The following MAGI2 variants were observed in gnomAD, a reference collection of about 807,000 sequenced individuals.
MAGI2 encodes the protein membrane associated guanylate kinase, WW and PDZ domain containing 2, also known as membrane-associated guanylate kinase, WW and PDZ domain-containing protein 2.
In MAGI2, 35 loss-of-function variants were observed where a neutral mutation model predicts 133.3. That is an observed-to-expected ratio of 0.26 (90% CI 0.20 to 0.35). The LOEUF is 0.35. Ranked by LOEUF, MAGI2 falls within the 10% of genes least tolerant of loss-of-function variation. MAGI2 has a pLI of 1.00. For missense variants in MAGI2, 1,636 were observed against 1,863.4 expected, an observed-to-expected ratio of 0.88 and a Z score of 2.25; for synonymous variants, 729 against 710.6, an observed-to-expected ratio of 1.03 and a Z score of -0.41.
intron 4 of MAGI2, among the ~76,000 whole-genome samples, chr7:78,512,751 C>T (rs560479670): frequency 1.2e-4 from 18 of 152,226 alleles, no homozygotes; most frequent in Admixed American, 7.2e-4. Flanking sequence ...ATGCATATTT[C>T]GTGCCTCACA....
chr7:79,321,092 G>A (rs1026032680), intron 1 of MAGI2, among the ~76,000 whole-genome samples: 2 of 152,052 alleles, frequency 1.3e-5, no homozygotes, highest in Admixed American at 1.3e-4. Context: ...ACAATATGCA[G>A]TACTATGGTC....
chr7:78,440,214 T>C (rs1018223500), intron 6 of MAGI2, among the ~76,000 whole-genome samples: 11 of 152,306 alleles, frequency 7.2e-5, no homozygotes, highest in Non-Finnish European at 2.9e-5. Flanking sequence ...ATGTAATTTT[T>C]CTTCTTCCTC....
chr7:79,240,506 C>T (rs370536256), intron 1 of MAGI2, among the ~76,000 whole-genome samples: 2 of 152,070 alleles, frequency 1.3e-5, no homozygotes, highest in Non-Finnish European at 2.9e-5. Flanking sequence ...CTGGCAGAGG[C>T]AACATCCAGC....
chr7:78,886,313 C>A (rs981626763), intron 2 of MAGI2, among the ~76,000 whole-genome samples: 1 of 152,200 alleles, frequency 6.6e-6, no homozygotes, highest in African/African-American at 2.4e-5. Context: ...TATTCATTGT[C>A]TCCTTTAACC....
At chr7:78,367,278 G>T (rs568030639) in intron 7 of MAGI2, among the ~76,000 whole-genome samples, 4 of 152,292 alleles carry the variant, frequency 2.6e-5, no homozygotes, top group African/African-American at 9.6e-5. Context: ...ATAGCTTTCT[G>T]ACACAGGGGT....
intron 2 of MAGI2, among the ~76,000 whole-genome samples, chr7:78,972,484 T>C (rs1165716453): frequency 6.6e-6 from 1 of 151,884 alleles, no homozygotes; most frequent in African/African-American, 2.4e-5. Flanking sequence ...ACATTAGATT[T>C]TGTTATCAAC....
intron 6 of MAGI2, among the ~76,000 whole-genome samples, chr7:78,437,280 G>A (rs1800388060): frequency 6.6e-6 from 1 of 152,164 alleles, no homozygotes; most frequent in Admixed American, 6.5e-5. Flanking sequence ...ACGTGAGCAG[G>A]AGCTCCTTTC....
At chr7:78,209,048 C>A (rs1787433449) in intron 10 of MAGI2, among the ~76,000 whole-genome samples, 1 of 146,650 alleles carries the variant, frequency 6.8e-6, no homozygotes. Context: ...CGGTGAAACC[C>A]TGTCTCTACT....
chr7:79,295,791 G>A (rs1015526119), intron 1 of MAGI2, among the ~76,000 whole-genome samples: 3 of 151,710 alleles, frequency 2.0e-5, no homozygotes, highest in African/African-American at 7.3e-5. Context: ...ACCACATTTC[G>A]GTGATAGTAA....
chr7:79,061,591 A>T (rs1373606684), intron 1 of MAGI2, among the ~76,000 whole-genome samples: 2 of 152,126 alleles, frequency 1.3e-5, no homozygotes, highest in African/African-American at 4.8e-5. Flanking sequence ...AGAAGATGTG[A>T]TGAAGATAGG....
chr7:78,972,858 C>T (rs1803904154), intron 2 of MAGI2, among the ~76,000 whole-genome samples: 1 of 151,242 alleles, frequency 6.6e-6, no homozygotes, highest in South Asian at 2.1e-4. Context: ...GGGGCATATG[C>T]TTATTTTGGG....
intron 1 of MAGI2, among the ~76,000 whole-genome samples, chr7:79,221,802 G>A (rs1830464403): frequency 6.6e-6 from 1 of 151,980 alleles, no homozygotes; most frequent in Admixed American, 6.6e-5. Context: ...GGGTAAGATT[G>A]TAGGCATAAA....
intron 9 of MAGI2, among the ~76,000 whole-genome samples, chr7:78,308,079 G>T (rs907779103): frequency 6.6e-6 from 1 of 152,158 alleles, no homozygotes; most frequent in Non-Finnish European, 1.5e-5. Context: ...TAAATAATGG[G>T]CAATGAATTT....
At chr7:78,668,612 G>A (rs1273881113) in intron 2 of MAGI2, among the ~76,000 whole-genome samples, 2 of 151,768 alleles carry the variant, frequency 1.3e-5, no homozygotes, top group East Asian at 3.9e-4. Flanking sequence ...TTCTACATAT[G>A]GCTAGCCAGT....
chr7:78,572,684 CAG>C (rs1261339035), intron 3 of MAGI2, among the ~76,000 whole-genome samples: 1 of 151,568 alleles, frequency 6.6e-6, no homozygotes, highest in African/African-American at 2.4e-5. Context: ...ATTTTTGAGA[CAG>C]AGTTTCGCTC....
At chr7:78,659,424 C>CAAAAAAAAAAAAAAAAAAAA (rs71085553) in intron 2 of MAGI2, among the ~76,000 whole-genome samples, 3 of 23,674 alleles carry the variant, frequency 1.3e-4, no homozygotes, top group African/African-American at 1.8e-4. Flanking sequence ...GACTTCATCT[C>CAAAAAAAAAAAAAAAAAAAA]AAAAAAAAAA....
intron 9 of MAGI2, among the ~76,000 whole-genome samples, chr7:78,323,263 CT>C (rs1484888410): frequency 6.6e-6 from 1 of 152,100 alleles, no homozygotes; most frequent in Non-Finnish European, 1.5e-5. Flanking sequence ...CAAGAAATAT[CT>C]TTCTGTGATT....
intron 1 of MAGI2, among the ~76,000 whole-genome samples, chr7:79,046,631 C>T (rs923120072): frequency 1.3e-5 from 2 of 152,154 alleles, no homozygotes; most frequent in Admixed American, 6.6e-5. Flanking sequence ...GTTTACAAAA[C>T]TTGTTCAAGG....
intron 1 of MAGI2, among the ~76,000 whole-genome samples, chr7:79,070,364 A>G (rs199789563): frequency 7.3e-5 from 11 of 151,452 alleles, no homozygotes; most frequent in Admixed American, 2.6e-4. Flanking sequence ...TTGCTCTTCA[A>G]TCTCTGATAT....
Sources: gnomAD v4.1 joint callset for allele counts (sites outside exome capture counted in the v4.1 genomes callset) on GRCh38, gnomAD v4.1.1 for gene constraint, MANE v1.5 for transcripts, NCBI Gene and HGNC (gene_info 2026-07-23, HGNC 2026-07-21) for gene names.